PRKCA: variants seen among roughly 807,000 people sequenced by gnomAD.
PRKCA encodes protein kinase C alpha, also known as protein kinase C alpha type.
A neutral mutation model predicts 87.0 loss-of-function variants in PRKCA; 27 were observed. That is an observed-to-expected ratio of 0.31 (90% CI 0.23 to 0.43). The LOEUF (loss-of-function observed/expected upper bound fraction) is 0.43. Ranked by LOEUF, PRKCA falls within the 20% of genes least tolerant of loss-of-function variation. The pLI, the probability that PRKCA is intolerant of heterozygous loss-of-function variation, is 1.00. For missense variants in PRKCA, 518 were observed against 852.3 expected (o/e 0.61, Z 4.88); for synonymous variants, 329 against 311.1 (o/e 1.06, Z -0.61).
At chr17:66,626,578 G>C (rs1488988526) in intron 3 of PRKCA, among the ~76,000 whole-genome samples, 1 of 150,392 alleles carries the variant, frequency 6.6e-6, no homozygotes, top group African/African-American at 2.5e-5. Context: ...CACCATGTTA[G>C]CCAGGCTGGT....
intron 5 of PRKCA, among the ~76,000 whole-genome samples, chr17:66,649,984 T>G (rs146913822): frequency 3.3e-5 from 5 of 152,174 alleles, no homozygotes; most frequent in African/African-American, 1.2e-4. Context: ...CTGTGGGAAT[T>G]AGCCTGGTGG....
intron 5 of PRKCA, among the ~76,000 whole-genome samples, chr17:66,662,310 G>A (rs537498309): frequency 4.6e-5 from 7 of 152,286 alleles, no homozygotes; most frequent in Admixed American, 3.9e-4. Flanking sequence ...TCCTCATCCT[G>A]TGCACAGACC....
At chr17:66,398,356 C>G (rs1910809733) in intron 2 of PRKCA, 1 of 152,156 alleles carries the variant, frequency 6.6e-6, no homozygotes, top group Non-Finnish European at 1.5e-5. Flanking sequence ...GGTGGTCATA[C>G]AATAATAGAC....
intron 2 of PRKCA, among the ~76,000 whole-genome samples, chr17:66,456,528 C>T (rs1162103441): frequency 1.3e-5 from 2 of 152,096 alleles, no homozygotes; most frequent in Non-Finnish European, 2.9e-5. Flanking sequence ...TGTTCTCAGC[C>T]GTGGGTTTGG....
At chr17:66,589,262 C>G (rs777100267) in intron 3 of PRKCA, among the ~76,000 whole-genome samples, 1 of 152,086 alleles carries the variant, frequency 6.6e-6, no homozygotes, top group Non-Finnish European at 1.5e-5. Flanking sequence ...CAAGAGATAA[C>G]GGCTGTTAGT....
intron 8 of PRKCA, among the ~76,000 whole-genome samples, chr17:66,720,461 C>A (rs1486347073): frequency 1.3e-5 from 2 of 152,216 alleles, no homozygotes; most frequent in Non-Finnish European, 2.9e-5. Context: ...ATTAGAAATA[C>A]ACAGGCCATA....
chr17:66,587,741 A>C (rs572010981), intron 3 of PRKCA, among the ~76,000 whole-genome samples: 3 of 105,374 alleles, frequency 2.8e-5, no homozygotes, highest in Admixed American at 1.0e-4. Context: ...ATATATACGT[A>C]TATGTGTGTA....
intron 5 of PRKCA, among the ~76,000 whole-genome samples, chr17:66,647,502 A>G (rs1356367195): frequency 6.6e-6 from 1 of 152,238 alleles, no homozygotes; most frequent in Non-Finnish European, 1.5e-5. Context: ...TGTGCTATGC[A>G]TGCTGGACAC....
intron 13 of PRKCA, among the ~76,000 whole-genome samples, chr17:66,748,426 G>T (rs1371556615): frequency 6.6e-6 from 1 of 152,194 alleles, no homozygotes; most frequent in Non-Finnish European, 1.5e-5. Context: ...AATATTTGGG[G>T]GGAGCATATT....
chr17:66,655,905 A>G (rs1432791075), intron 5 of PRKCA, among the ~76,000 whole-genome samples: 2 of 152,220 alleles, frequency 1.3e-5, no homozygotes, highest in African/African-American at 4.8e-5. Flanking sequence ...CAGCTAAGAA[A>G]AAGGTTGCAT....
chr17:66,372,442 T>G (rs1160328459), intron 2 of PRKCA, among the ~76,000 whole-genome samples: 1 of 152,218 alleles, frequency 6.6e-6, no homozygotes, highest in African/African-American at 2.4e-5. Context: ...TTTTTTTAAA[T>G]GTAAGCAGTG....
chr17:66,459,360 G>T (rs922636496), intron 2 of PRKCA, among the ~76,000 whole-genome samples: 3 of 152,188 alleles, frequency 2.0e-5, no homozygotes, highest in Non-Finnish European at 4.4e-5. Flanking sequence ...CAGCCTGGAT[G>T]ACGGAACTAC....
At chr17:66,307,497 A>G (rs1426400807) in intron 2 of PRKCA, among the ~76,000 whole-genome samples, 1 of 152,172 alleles carries the variant, frequency 6.6e-6, no homozygotes, top group Non-Finnish European at 1.5e-5. Context: ...GACTTACATA[A>G]ATCTATAAGA....
intron 2 of PRKCA, among the ~76,000 whole-genome samples, chr17:66,372,674 A>G (rs1567795402): frequency 6.6e-6 from 1 of 152,200 alleles, no homozygotes; most frequent in Non-Finnish European, 1.5e-5. Context: ...AGTTTCCTAA[A>G]TAAATGAATT....
intron 2 of PRKCA, among the ~76,000 whole-genome samples, chr17:66,350,200 G>C (rs911596506): frequency 2.0e-5 from 3 of 152,128 alleles, no homozygotes; most frequent in African/African-American, 7.2e-5. Context: ...TTTGGAAACT[G>C]GCTTTTCACA....
chr17:66,615,787 CCCTTT>C (rs948398724), intron 3 of PRKCA, among the ~76,000 whole-genome samples: 2 of 152,054 alleles, frequency 1.3e-5, no homozygotes, highest in African/African-American at 2.4e-5. Flanking sequence ...TCAGTGAAAT[CCCTTT>C]CCTTATGTTC....
intron 2 of PRKCA, among the ~76,000 whole-genome samples, chr17:66,438,476 T>C (rs1016614230): frequency 6.6e-6 from 1 of 152,140 alleles, no homozygotes; most frequent in African/African-American, 2.4e-5. Flanking sequence ...AATGGAGAGC[T>C]TTAGGAAACA....
chr17:66,741,538 G>A (rs1413461273), intron 11 of PRKCA, 121 bp from the exon 12 acceptor site: 13 of 1,021,092 alleles, frequency 1.3e-5, no homozygotes, highest in Non-Finnish European at 1.9e-5. Flanking sequence ...CACGATGCTG[G>A]TCTCTGAGAG....
At chr17:66,745,831 G>A (rs1438570264) in intron 13 of PRKCA, among the ~76,000 whole-genome samples, 3 of 152,174 alleles carry the variant, frequency 2.0e-5, no homozygotes, top group African/African-American at 7.2e-5. Context: ...AGAAATGCCA[G>A]AATTAGGCTT....
Sources: allele counts gnomAD v4.1 joint callset (sites outside exome capture counted in the v4.1 genomes callset), GRCh38; gene constraint gnomAD v4.1.1; transcripts MANE v1.5; gene names NCBI Gene and HGNC (gene_info 2026-07-23, HGNC 2026-07-21).